Variants in LMAN1 observed in about 807,000 individuals in gnomAD.
LMAN1 encodes the protein protein ERGIC-53.
A neutral mutation model predicts 67.8 loss-of-function variants in LMAN1; 32 were observed. The observed-to-expected ratio is 0.47, with a 90% CI of 0.36 to 0.63. The LOEUF (loss-of-function observed/expected upper bound fraction) is 0.63. Ranked by LOEUF, LMAN1 falls within the 30% of genes least tolerant of loss-of-function variation. LMAN1 has a pLI of 0.00. For synonymous variants in LMAN1, 235 were observed against 219.3 expected, an observed-to-expected ratio of 1.07 and a Z score of -0.63; for missense variants, 632 against 628.2, an observed-to-expected ratio of 1.01 and a Z score of -0.06.
intron 6 of LMAN1, among the ~76,000 whole-genome samples, chr18:59,348,648 A>C (rs1908474383): frequency 6.6e-6 from 1 of 152,210 alleles, no homozygotes; most frequent in South Asian, 2.1e-4. Flanking sequence ...GTTTTGTTTA[A>C]AGTTTAGTCA....
intron 3 of LMAN1, among the ~76,000 whole-genome samples, chr18:59,354,860 C>G (rs1004618621): frequency 2.6e-5 from 4 of 152,152 alleles, no homozygotes; most frequent in African/African-American, 9.7e-5. Context: ...TTGATCTTAA[C>G]TGTTTTAGGA....
chr18:59,357,029 C>CT (rs930630497), intron 1 of LMAN1, among the ~76,000 whole-genome samples: 36 of 151,296 alleles, frequency 2.4e-4, no homozygotes, highest in East Asian at 1.2e-3. Context: ...AATTTCTCTA[C>CT]TTTTTTTTTA....
Position 59,338,742 on chromosome 18 carries a change from C to T in LMAN1, c.1149+18G>A. ...GCAAAGGGTAAATGGGGCACATCTG[C>T]ATATTCTGCAAGCCCACCTGCCCAT... is the stretch of plus-strand genomic sequence containing the variant. On this transcript the variant is annotated intron_variant, in intron 9 of 12. Coordinates refer to ENST00000251047, the MANE Select transcript of LMAN1 (RefSeq NM_005570.4). 6.2e-7 allele frequency: 1 copy of T among 1,613,724 alleles called. No homozygotes were observed. The highest frequency in any genetic ancestry group is 8.5e-7 in the Non-Finnish European group (1 of 1,179,626).
At chr18:59,349,382 CAATAT>C in intron 5 of LMAN1, 146 bp from the exon 6 acceptor site, 1 of 733,988 alleles carries the variant, frequency 1.4e-6, no homozygotes, top group Non-Finnish European at 2.2e-6. Flanking sequence ...TGTCAATATA[CAATAT>C]ATTTTACTTA....
intron 8 of LMAN1, 101 bp from the exon 9 acceptor site, chr18:59,339,054 C>T (rs1052900742): frequency 2.4e-6 from 2 of 825,692 alleles, no homozygotes; most frequent in Admixed American, 1.9e-5. Flanking sequence ...AAAATTAGGA[C>T]ATCACCATCA....
At chr18:59,354,629 T>C in intron 3 of LMAN1, 49 bp from the exon 4 acceptor site, 1 of 957,844 alleles carries the variant, frequency 1.0e-6, no homozygotes, top group Non-Finnish European at 1.7e-6. Context: ...CAAAGCATTC[T>C]ACATCATTCT....
At chr18:59,334,828 TTCTA>T (rs1197177050) in intron 10 of LMAN1, among the ~76,000 whole-genome samples, 1 of 152,026 alleles carries the variant, frequency 6.6e-6, no homozygotes, top group Non-Finnish European at 1.5e-5. Context: ...GGCAAATATT[TTCTA>T]TCTCTTTACA....
chr18:59,346,208 T>G (rs1908400673), intron 7 of LMAN1, among the ~76,000 whole-genome samples, 157 bp from the exon 8 acceptor site: 1 of 124,774 alleles, frequency 8.0e-6, no homozygotes, highest in Admixed American at 8.5e-5. Flanking sequence ...AGCAAATTAC[T>G]CTTTTTTTTT....
chr18:59,347,218 G>A (rs925721110), intron 7 of LMAN1, among the ~76,000 whole-genome samples: 7 of 146,006 alleles, frequency 4.8e-5, no homozygotes, highest in South Asian at 2.5e-4. Context: ...TCAGCCTCCC[G>A]AGTAGCTGGA....
intron 8 of LMAN1, among the ~76,000 whole-genome samples, chr18:59,345,312 A>T (rs980198011): frequency 2.6e-5 from 4 of 152,232 alleles, no homozygotes; most frequent in Non-Finnish European, 5.9e-5. Flanking sequence ...ATTTGGCCTT[A>T]AAATGTTTTA....
At chr18:59,344,545 G>C (rs1292176336) in intron 8 of LMAN1, among the ~76,000 whole-genome samples, 1 of 152,106 alleles carries the variant, frequency 6.6e-6, no homozygotes, top group South Asian at 2.1e-4. Context: ...ATTATCCCAA[G>C]TGAAATGACT....
rs536483323 is a variant in LMAN1, at chr18:59,347,149, G to A, written c.822+364C>T. Among the ~76,000 whole-genome samples the A allele has an allele frequency of 5.9e-5, 9 of 151,516 alleles. No homozygotes were observed. The East Asian group carries it at 1.8e-3, about 30-fold the overall frequency. On this transcript the variant is annotated intron_variant, in intron 7 of 12. Coordinates refer to ENST00000251047, the MANE Select transcript of LMAN1 (RefSeq NM_005570.4). Reference sequence around the variant, plus strand: ...AGGAGGCTGAGGCAGGAGAAGTGCAGTGTCTTGATCTCAGCTTACCGCAAC... The same window carrying A: ...AGGAGGCTGAGGCAGGAGAAGTGCAATGTCTTGATCTCAGCTTACCGCAAC...
chr18:59,357,575 T>C (rs1472218835), intron 1 of LMAN1, among the ~76,000 whole-genome samples: 1 of 152,200 alleles, frequency 6.6e-6, no homozygotes, highest in Non-Finnish European at 1.5e-5. Context: ...AATATACCCT[T>C]GCTGCATGGG....
intron 6 of LMAN1, 61 bp from the exon 7 acceptor site, chr18:59,347,632 A>T: frequency 9.1e-7 from 1 of 1,103,342 alleles, no homozygotes; most frequent in Non-Finnish European, 1.3e-6. Flanking sequence ...TTATCATTGT[A>T]AATGTATTTT....
In LMAN1 at chr18:59,355,551, C is replaced by G. The variant is rs1246861707; in HGVS notation, c.322G>C (p.Val108Leu). 6.2e-7 allele frequency: 1 copy of G among 1,614,074 alleles called. No individual in the cohort carries two copies. The highest frequency in any genetic ancestry group is 8.5e-7 in the Non-Finnish European group (1 of 1,179,990). ...CCTCTTCCAGTCACTCGAAATGTCACCTCAACTTCCCAGTTCTCAAAGGCC... is the reference window on the plus strand; with the variant it reads ...CCTCTTCCAGTCACTCGAAATGTCAGCTCAACTTCCCAGTTCTCAAAGGCC... ...KAAFENWEVE[V>L]TFRVTGRGRI... Residue 108 changes from valine (V) to leucine (L), a missense_variant, in exon 2 of 13, where the codon GTG becomes CTG. Physicochemically the swap from Val to Leu is conservative, Grantham distance 32 (BLOSUM62 1). Transcript: ENST00000251047.
chr18:59,333,313 A>C, intron 10 of LMAN1, 69 bp from the exon 11 acceptor site: 8 of 1,216,162 alleles, frequency 6.6e-6, no homozygotes, highest in Non-Finnish European at 9.5e-6. Context: ...ACAGATCTCC[A>C]ATACTTTTAC....
At chr18:59,351,301 G>A (rs972427727) in intron 5 of LMAN1, 1 of 152,192 alleles carries the variant, frequency 6.6e-6, no homozygotes, top group Non-Finnish European at 1.5e-5. Context: ...AAGAGTTTAG[G>A]AGAGACAGAT....
rs1300738831 is a variant in LMAN1, at chr18:59,358,954, G to C, written c.214+77C>G. 3.5e-6 allele frequency: 5 copies of C among 1,437,742 alleles called. No homozygotes were observed. The Admixed American group carries it at 6.8e-5, about 19-fold the overall frequency. 89.1% of individuals were successfully genotyped at this position (1,437,742 alleles called of 1,614,324 possible). ...TGGAACGGGAACCTCAGCACACCAG[G>C]GTAGCCGCGGATGAAAGGCGAAGAG... On this transcript the variant is annotated intron_variant, in intron 1 of 12. Coordinates refer to ENST00000251047, the MANE Select transcript of LMAN1 (RefSeq NM_005570.4).
chr18:59,358,887 G>A (rs1447519869), intron 1 of LMAN1, 144 bp downstream of exon 1: 9 of 816,842 alleles, frequency 1.1e-5, no homozygotes, highest in Non-Finnish European at 1.6e-5. Flanking sequence ...CGGAGGGGCT[G>A]CCAGGAGGGT....
Sources: gnomAD v4.1 joint callset for allele counts (sites outside exome capture counted in the v4.1 genomes callset) on GRCh38, gnomAD v4.1.1 for gene constraint, MANE v1.5 for transcripts, NCBI Gene and HGNC (gene_info 2026-07-23, HGNC 2026-07-21) for gene names.